Variants in TMEM117 observed in about 807,000 individuals in gnomAD.
TMEM117 encodes transmembrane protein 117.
A neutral mutation model predicts 52.4 loss-of-function variants in TMEM117; 27 were observed. The observed-to-expected ratio is 0.51, with a 90% CI of 0.38 to 0.71. The LOEUF is 0.71. TMEM117 is among the 30% of genes least tolerant of loss of function. The pLI is 0.00. For missense variants in TMEM117, 556 were observed against 630.5 expected (o/e 0.88, Z 1.26); for synonymous variants, 215 against 206.3 (o/e 1.04, Z -0.36).
At chr12:43,920,056 A>G (rs974927110) in intron 2 of TMEM117, among the ~76,000 whole-genome samples, 1 of 152,006 alleles carries the variant, frequency 6.6e-6, no homozygotes, top group Non-Finnish European at 1.5e-5. Flanking sequence ...ACCCATGTCA[A>G]TAGTTAATCT....
intron 4 of TMEM117, 45 bp downstream of exon 4, chr12:44,143,669 A>G (rs776844566): frequency 1.4e-6 from 2 of 1,420,948 alleles, no homozygotes; most frequent in Non-Finnish European, 2.0e-6. Flanking sequence ...CAAACGGAAG[A>G]CATGTTCACA....
chr12:44,121,869 A>G (rs1225100017), intron 3 of TMEM117, among the ~76,000 whole-genome samples: 1 of 152,038 alleles, frequency 6.6e-6, no homozygotes, highest in African/African-American at 2.4e-5. Context: ...CCTTACCTCA[A>G]GTATGCCCTG....
At chr12:44,273,373 C>CAT (rs144839729) in intron 5 of TMEM117, among the ~76,000 whole-genome samples, 5,044 of 149,668 alleles carry the variant, frequency 0.034, 98 homozygotes, top group African/African-American at 0.05. Flanking sequence ...AATAAATATA[C>CAT]ATATATATAT....
intron 5 of TMEM117, among the ~76,000 whole-genome samples, chr12:44,271,994 A>T (rs1950451763): frequency 6.6e-6 from 1 of 152,100 alleles, no homozygotes; most frequent in Admixed American, 6.6e-5. Context: ...AATGCCCAAC[A>T]TCTCTAATCA....
At chr12:44,294,467 A>AT (rs1361776642) in intron 5 of TMEM117, among the ~76,000 whole-genome samples, 1 of 152,224 alleles carries the variant, frequency 6.6e-6, no homozygotes, top group African/African-American at 2.4e-5. Flanking sequence ...GCAACAGCAA[A>AT]TGGAAACTAG....
At chr12:44,255,289 AAAAC>A (rs1281172222) in intron 5 of TMEM117, among the ~76,000 whole-genome samples, 4 of 152,246 alleles carry the variant, frequency 2.6e-5, no homozygotes, top group East Asian at 1.9e-4. Flanking sequence ...TTACAAGAAA[AAAAC>A]AAACAACCCC....
intron 2 of TMEM117, among the ~76,000 whole-genome samples, chr12:43,895,871 GTTATTTT>G (rs1944191918): frequency 1.5e-5 from 1 of 66,668 alleles, no homozygotes; most frequent in Non-Finnish European, 5.0e-5. Flanking sequence ...ACTGAATATT[GTTATTTT>G]CTAAACAGGC....
At chr12:43,799,371 T>C in the TMEM117 span, 2 of 1,444,478 alleles carry the variant, frequency 1.4e-6, no homozygotes, top group Non-Finnish European at 1.9e-6. Context: ...CTTAAAATCT[T>C]GCAAAGACTT....
intron 3 of TMEM117, among the ~76,000 whole-genome samples, chr12:43,971,011 C>G (rs961573156): frequency 6.6e-6 from 1 of 152,156 alleles, no homozygotes; most frequent in Non-Finnish European, 1.5e-5. Flanking sequence ...TCACCCTACC[C>G]TTGCCACCCT....
intron 3 of TMEM117, among the ~76,000 whole-genome samples, chr12:44,001,021 A>C (rs1373562667): frequency 1.3e-5 from 2 of 152,168 alleles, no homozygotes; most frequent in African/African-American, 4.8e-5. Flanking sequence ...AAGAAGTGCT[A>C]GTTCATGAGT....
intron 3 of TMEM117, among the ~76,000 whole-genome samples, chr12:44,107,022 G>A (rs1055942532): frequency 6.6e-6 from 1 of 151,990 alleles, no homozygotes; most frequent in African/African-American, 2.4e-5. Flanking sequence ...TTATTTGGCT[G>A]TCCGTCAATA....
chr12:43,991,784 T>C (rs748182221), intron 3 of TMEM117, among the ~76,000 whole-genome samples: 9 of 152,166 alleles, frequency 5.9e-5, no homozygotes, highest in Non-Finnish European at 1.2e-4. Flanking sequence ...TTCCATACTA[T>C]CATCTTAAAT....
chr12:44,310,902 T>G (rs1325061382), intron 6 of TMEM117, among the ~76,000 whole-genome samples: 1 of 152,120 alleles, frequency 6.6e-6, no homozygotes, highest in Non-Finnish European at 1.5e-5. Context: ...AAATACGAGT[T>G]TAAAATTAGA....
At chr12:44,299,457 T>C (rs1447061226) in intron 5 of TMEM117, 123 bp from the exon 6 acceptor site, 16 of 1,280,874 alleles carry the variant, frequency 1.2e-5, no homozygotes, top group East Asian at 2.5e-5. Flanking sequence ...TCCTTTTGGC[T>C]AATATACCTT....
intron 2 of TMEM117, among the ~76,000 whole-genome samples, chr12:43,851,737 C>G (rs991325448): frequency 2.6e-5 from 4 of 152,170 alleles, no homozygotes; most frequent in Non-Finnish European, 5.9e-5. Context: ...TCATGGGTTT[C>G]AAAACCTTGC....
chr12:44,174,590 C>A (rs1324694046), intron 4 of TMEM117, among the ~76,000 whole-genome samples: 2 of 152,082 alleles, frequency 1.3e-5, no homozygotes, highest in African/African-American at 4.8e-5. Flanking sequence ...TTAATAAAGT[C>A]ATTCATTTAT....
At chr12:44,305,718 A>G (rs1950895470) in intron 6 of TMEM117, among the ~76,000 whole-genome samples, 1 of 152,204 alleles carries the variant, frequency 6.6e-6, no homozygotes, top group Non-Finnish European at 1.5e-5. Flanking sequence ...TGGGAATGTA[A>G]ATTGTTCAAC....
intron 6 of TMEM117, among the ~76,000 whole-genome samples, chr12:44,370,058 C>A (rs1374445954): frequency 6.6e-6 from 1 of 152,190 alleles, no homozygotes; most frequent in African/African-American, 2.4e-5. Flanking sequence ...CTGTCATCCG[C>A]TATGTGAAAT....
At chr12:43,892,814 A>T (rs1944131592) in intron 2 of TMEM117, among the ~76,000 whole-genome samples, 1 of 152,268 alleles carries the variant, frequency 6.6e-6, no homozygotes, top group Non-Finnish European at 1.5e-5. Context: ...AATGAATAGT[A>T]AATGTCAGAT....
Sources: allele counts gnomAD v4.1 joint callset (sites outside exome capture counted in the v4.1 genomes callset), GRCh38; gene constraint gnomAD v4.1.1; transcripts MANE v1.5; gene names NCBI Gene and HGNC (gene_info 2026-07-23, HGNC 2026-07-21).